TARS3: variants seen among roughly 807,000 people sequenced by gnomAD.
The protein encoded by TARS3 is threonyl-tRNA synthetase 3.
TARS3 carries 94 observed loss-of-function variants against 103.5 expected under a neutral mutation model. That is an observed-to-expected ratio of 0.91 (90% confidence interval 0.77 to 1.08). TARS3 has a LOEUF of 1.08. TARS3 is among the 50% of genes least tolerant of loss of function. The probability of loss-of-function intolerance (pLI) is 0.00; values close to 1 mark genes in which losing one functional copy is unlikely to be tolerated. For synonymous variants in TARS3, 416 were observed against 355.4 expected (o/e 1.17, Z -1.92); for missense variants, 952 against 995.2 (o/e 0.96, Z 0.58).
intron 12 of TARS3, among the ~76,000 whole-genome samples, chr15:101,678,604 T>C (rs1898128313): frequency 6.6e-6 from 1 of 152,170 alleles, no homozygotes; most frequent in Non-Finnish European, 1.5e-5. Context: ...TTATTCCCTA[T>C]ACCTTACCCC....
At chr15:101,680,686 A>G (rs1209833477) in intron 12 of TARS3, among the ~76,000 whole-genome samples, 2 of 152,174 alleles carry the variant, frequency 1.3e-5, no homozygotes, top group Non-Finnish European at 2.9e-5. Flanking sequence ...ATATTTGTTA[A>G]GTATTCTGGA....
In TARS3 at chr15:101,671,697, C is replaced by T; in HGVS notation, c.1840G>A (p.Gly614Arg). ...DFGEPWKMNP[G>R]DGAFYGPKID... ...TTAGGGCCATAAAATGCTCCATCTC[C>T]TGGGTTCATTTTCCACGGTTCTCCA... Residue 614 changes from glycine (G) to arginine (R), a missense_variant, in exon 14 of 19, where the codon GGA (glycine) becomes AGA (arginine). This residue lies in a region of TARS3 where 540 missense variants were observed against 631.0 expected (regional missense o/e 0.86). Coordinates refer to ENST00000335968, the MANE Select transcript of TARS3 (RefSeq NM_152334.3). 6.2e-7 allele frequency: 1 copy of T among 1,614,098 alleles called. No individual in the cohort carries two copies.
In TARS3 at chr15:101,654,439, A is replaced by G; in HGVS notation, c.*143T>C. 3 of 829,168 alleles carry G rather than the reference A, an allele frequency of 3.6e-6. No individual in the cohort carries two copies. The Admixed American group carries it at 9.9e-5, about 27-fold the overall frequency. 51.4% of individuals were successfully genotyped at this position (829,168 alleles called of 1,614,324 possible). ...ATTAAACTTCGTGCATGTCAGCTAC[A>G]CGTTCATCGTCTCCTTTCTCAGCTG... On this transcript the variant is annotated 3_prime_UTR_variant, in exon 19 of 19. Transcript: ENST00000335968.
chr15:101,693,784 A>G (rs1322192488), intron 10 of TARS3, among the ~76,000 whole-genome samples: 1 of 152,118 alleles, frequency 6.6e-6, no homozygotes, highest in Non-Finnish European at 1.5e-5. Context: ...GCTGGGTGAA[A>G]GCGGTCAGTC....
At chr15:101,721,534 G>A (rs1188212043) in intron 2 of TARS3, among the ~76,000 whole-genome samples, 2 of 152,022 alleles carry the variant, frequency 1.3e-5, no homozygotes, top group Non-Finnish European at 2.9e-5. Context: ...TTGCTTTGTC[G>A]CCCAGGCTGG....
At position 101,676,128 on chromosome 15, in the gene TARS3, C is replaced by CG. The variant is rs1243972905; in HGVS notation, c.1651-392dup. ...CCGTGGACAGAGGAGCAGACTAAGT[C>CG]GGGGGGCTGCATACGATGGGCTGAA... is the stretch of plus-strand genomic sequence containing the variant. On this transcript the variant is annotated intron_variant, in intron 12 of 18. Coordinates refer to ENST00000335968, the MANE Select transcript of TARS3 (RefSeq NM_152334.3). 3.2e-4 allele frequency among the ~76,000 whole-genome samples: 49 copies of CG among 152,244 alleles called. 1 individual carries two copies. In the East Asian group the frequency reaches 8.7e-3, roughly 27 times the overall value.
intron 3 of TARS3, among the ~76,000 whole-genome samples, chr15:101,720,653 T>TA (rs906848660): frequency 1.9e-4 from 28 of 150,284 alleles, no homozygotes; most frequent in Non-Finnish European, 3.3e-4. Flanking sequence ...TTCAACTGAA[T>TA]AAAAAAAAAA....
chr15:101,673,211 G>A (rs1897882531), intron 13 of TARS3, among the ~76,000 whole-genome samples: 1 of 152,162 alleles, frequency 6.6e-6, no homozygotes, highest in African/African-American at 2.4e-5. Context: ...GTGACCTCAG[G>A]CTTGGCTGCT....
intron 16 of TARS3, among the ~76,000 whole-genome samples, chr15:101,659,580 C>A (rs1010605172): frequency 6.6e-6 from 1 of 152,176 alleles, no homozygotes. Flanking sequence ...AGTGCACTGG[C>A]CCCAACCACC....
intron 6 of TARS3, among the ~76,000 whole-genome samples, chr15:101,707,896 C>G (rs1899649485): frequency 6.6e-6 from 1 of 152,078 alleles, no homozygotes; most frequent in African/African-American, 2.4e-5. Flanking sequence ...TTTACCAAAA[C>G]CAACTCTATT....
At chr15:101,704,044 T>G (rs1312180374) in intron 7 of TARS3, 107 bp from the exon 8 acceptor site, 1 of 714,794 alleles carries the variant, frequency 1.4e-6, no homozygotes. Context: ...CTTATTTATA[T>G]GTAGCAATGC....
chr15:101,654,536 A>G lies in TARS3; in HGVS notation c.*46T>C, dbSNP rs1324382816. The stretch of plus-strand genomic sequence containing the variant: ...AACATGTTAAGAAAAATACATTTTT[A>G]AGGGTCAAAACAAAGTTACACAGAA... On this transcript the variant is annotated 3_prime_UTR_variant, in exon 19 of 19. Coordinates refer to ENST00000335968, the MANE Select transcript of TARS3 (RefSeq NM_152334.3). 1.3e-6 allele frequency: 2 copies of G among 1,588,442 alleles called. No individual in the cohort carries two copies. The highest frequency in any genetic ancestry group is 1.7e-6 in the Non-Finnish European group (2 of 1,170,552).
intron 15 of TARS3, among the ~76,000 whole-genome samples, chr15:101,662,139 T>G (rs1431036834): frequency 6.6e-6 from 1 of 152,206 alleles, no homozygotes; most frequent in Non-Finnish European, 1.5e-5. Context: ...CCCCCATTCT[T>G]GCCACTATCT....
intron 15 of TARS3, among the ~76,000 whole-genome samples, chr15:101,665,709 G>C (rs1897553763): frequency 6.6e-6 from 1 of 152,116 alleles, no homozygotes; most frequent in Non-Finnish European, 1.5e-5. Context: ...AGAAAAATCA[G>C]CTTGAGTTTA....
At chr15:101,714,665 CATGT>C (rs1172278787) in intron 4 of TARS3, 171 bp downstream of exon 4, 2 of 245,686 alleles carry the variant, frequency 8.1e-6, no homozygotes, top group Non-Finnish European at 1.5e-5. Flanking sequence ...TAAAAACTGA[CATGT>C]ATTTGTATAC....
chr15:101,708,979 G>C (rs1438962516), intron 5 of TARS3, 69 bp from the exon 6 acceptor site: 1 of 1,024,062 alleles, frequency 9.8e-7, no homozygotes, highest in Non-Finnish European at 1.4e-6. Flanking sequence ...CCTTTGTCCT[G>C]GAGCCTCAGC....
chr15:101,702,399 A>C lies in TARS3; in HGVS notation c.1075-14T>G. On this transcript the variant is annotated splice_polypyrimidine_tract_variant and intron_variant, in intron 8 of 18. Coordinates refer to ENST00000335968, the MANE Select transcript of TARS3 (RefSeq NM_152334.3). ...TGTTGAGGAATTCTAAATATCAAAG[A>C]GGATTTTGGTAAATATATCATACAT... 6.2e-7 allele frequency: 1 copy of C among 1,610,068 alleles called. No individual in the cohort carries two copies.
At position 101,711,927 on chromosome 15, in the gene TARS3, A is replaced by T; in HGVS notation, c.765T>A (p.Gly255=). The T allele has an allele frequency of 6.2e-7, 1 of 1,613,950 alleles. No homozygotes were observed. The highest frequency in any genetic ancestry group is 1.1e-5 in the South Asian group (1 of 91,074). ...AATAAAATCCATTTTCAATGGGCGG[A>T]CCGTAGCACAGGTGGCCTCCATAGT... ...ELYYGGHLCY[G]PPIENGFYYD... is the part of the protein sequence containing the mutation. The change falls in exon 5 of 19, where the codon GGT becomes GGA. Residue 255 remains glycine, a synonymous_variant. Coordinates refer to ENST00000335968, the MANE Select transcript of TARS3 (RefSeq NM_152334.3).
chr15:101,663,736 T>C (rs943012598), intron 15 of TARS3, among the ~76,000 whole-genome samples: 49 of 152,304 alleles, frequency 3.2e-4, no homozygotes, highest in African/African-American at 1.1e-3. Flanking sequence ...CTCTATATTT[T>C]AACATCTACT....
Sources: gnomAD v4.1 joint callset for allele counts (sites outside exome capture counted in the v4.1 genomes callset) on GRCh38, gnomAD v4.1.1 for gene constraint, gnomAD v4.1.1 regional missense constraint, MANE v1.5 for transcripts, NCBI Gene and HGNC (gene_info 2026-07-23, HGNC 2026-07-21) for gene names.